The following ZNF536 variants were observed in gnomAD, a reference collection of about 807,000 sequenced individuals.
The protein encoded by ZNF536 is zinc finger protein 536.
In ZNF536, 13 loss-of-function variants were observed where a neutral mutation model predicts 84.5. The ratio of observed to expected loss-of-function variants is 0.15; its 90% CI spans 0.10 to 0.24. The LOEUF (loss-of-function observed/expected upper bound fraction) is 0.24. Ranked by LOEUF, ZNF536 falls within the 10% of genes least tolerant of loss-of-function variation. ZNF536 has a pLI of 1.00. For missense variants in ZNF536, 1,536 were observed against 1,747.5 expected (o/e 0.88, Z 2.16); for synonymous variants, 811 against 742.5 (o/e 1.09, Z -1.50).
At chr19:30,562,046 C>T (rs571321382), downstream of ZNF536, among the ~76,000 whole-genome samples, 11 of 152,132 alleles carry the variant, frequency 7.2e-5, no homozygotes, top group African/African-American at 1.9e-4. Context: ...GAAAGACTGG[C>T]GGGCTGGTCT....
At chr19:30,582,915 T>C (rs1199573659) in intron 1 of ZNF536, among the ~76,000 whole-genome samples, 1 of 152,100 alleles carries the variant, frequency 6.6e-6, no homozygotes, top group African/African-American at 2.4e-5. Flanking sequence ...CAATTCAAGA[T>C]GAGATTTGGA....
At chr19:30,541,670 A>T (rs1243682922) in intron 3 of ZNF536, among the ~76,000 whole-genome samples, 2 of 152,242 alleles carry the variant, frequency 1.3e-5, no homozygotes, top group Admixed American at 1.3e-4. Context: ...AGTGAAATTA[A>T]CTACAGTTTC....
intron 2 of ZNF536, among the ~76,000 whole-genome samples, chr19:30,332,379 C>T (rs2047239811): frequency 6.6e-6 from 1 of 152,078 alleles, no homozygotes; most frequent in African/African-American, 2.4e-5. Flanking sequence ...GAGGTGGTTC[C>T]CTGGGAGCAT....
At position 30,384,862 on chromosome 19, in the gene ZNF536, A is replaced by C. The variant is rs143109752; in HGVS notation, c.-3+12306A>C. Reference sequence around the variant, plus strand: ...GGCAACAGAGCAAGACACTATCTCCACAAAAATAAAATAATTAGCCAGGCG... The same window carrying C: ...GGCAACAGAGCAAGACACTATCTCCCCAAAAATAAAATAATTAGCCAGGCG... On this transcript the variant is annotated intron_variant, in intron 1 of 4. Transcript: ENST00000355537. Among the ~76,000 whole-genome samples the C allele has an allele frequency of 6.8e-3, 1,034 of 152,180 alleles. 24 individuals carry two copies. Among genetic ancestry groups the C allele is most frequent in the African/African-American group, 0.024 (993 of 41,516 alleles).
At chr19:30,408,803 A>G (rs903168899) in intron 1 of ZNF536, among the ~76,000 whole-genome samples, 23 of 150,160 alleles carry the variant, frequency 1.5e-4, no homozygotes, top group African/African-American at 5.2e-4. Context: ...CCTTCCATCT[A>G]TTCATCCATC....
At chr19:30,520,636 G>T (rs897138460) in intron 2 of ZNF536, among the ~76,000 whole-genome samples, 5 of 152,042 alleles carry the variant, frequency 3.3e-5, no homozygotes, top group African/African-American at 1.2e-4. Context: ...GTGGTGCTTG[G>T]CATTAGGAAA....
intron 2 of ZNF536, among the ~76,000 whole-genome samples, chr19:30,326,797 T>TTTTTTTTG (rs2047045072): frequency 8.3e-6 from 1 of 119,938 alleles, no homozygotes; most frequent in Non-Finnish European, 1.7e-5. Flanking sequence ...AAAGCTTTTT[T>TTTTTTTTG]TTTTTTTTTT....
chr19:30,225,638 T>C (rs1319378520), upstream of ZNF536, among the ~76,000 whole-genome samples: 2 of 150,954 alleles, frequency 1.3e-5, no homozygotes, highest in Non-Finnish European at 2.9e-5. Context: ...CGTGCCCGAG[T>C]TTGCTCCTGA....
At chr19:30,571,768 T>TA in intron 1 of ZNF536, among the ~76,000 whole-genome samples, 1 of 152,296 alleles carries the variant, frequency 6.6e-6, no homozygotes, top group African/African-American at 2.4e-5. Context: ...GGTGCCTTGT[T>TA]AGACAGCCTG....
At chr19:30,692,471 A>G (rs2051451883) in intron 1 of ZNF536, among the ~76,000 whole-genome samples, 1 of 152,236 alleles carries the variant, frequency 6.6e-6, no homozygotes, top group South Asian at 2.1e-4. Context: ...GAGGCAGCGA[A>G]CACACCAGGG....
intron 1 of ZNF536, among the ~76,000 whole-genome samples, chr19:30,567,585 C>T (rs1173815479): frequency 6.6e-6 from 1 of 152,186 alleles, no homozygotes; most frequent in Non-Finnish European, 1.5e-5. Flanking sequence ...GGAAACCTGA[C>T]CCCCACCTTG....
intron 2 of ZNF536, among the ~76,000 whole-genome samples, chr19:30,522,052 G>A (rs1156398607): frequency 1.3e-5 from 2 of 151,512 alleles, no homozygotes; most frequent in Non-Finnish European, 2.9e-5. Flanking sequence ...GACCGGGAGG[G>A]CCATTCGCAG....
intron 4 of ZNF536, among the ~76,000 whole-genome samples, chr19:30,551,524 C>G (rs2045782699): frequency 6.6e-6 from 1 of 152,172 alleles, no homozygotes; most frequent in African/African-American, 2.4e-5. Context: ...CCCAGTCCAC[C>G]CTTCAGCCTT....
chr19:30,685,623 A>T (rs999532421), intron 1 of ZNF536, among the ~76,000 whole-genome samples: 3 of 152,174 alleles, frequency 2.0e-5, no homozygotes, highest in African/African-American at 7.2e-5. Flanking sequence ...TGCCATAAAA[A>T]TCATGGCTTC....
chr19:30,482,016 A>G (rs2054109920), intron 2 of ZNF536, among the ~76,000 whole-genome samples: 1 of 152,244 alleles, frequency 6.6e-6, no homozygotes, highest in Non-Finnish European at 1.5e-5. Flanking sequence ...ATGACTGAGT[A>G]GTATTCCATG....
chr19:30,404,001 TCTTTC>T (rs984982804), intron 1 of ZNF536, among the ~76,000 whole-genome samples: 2 of 151,784 alleles, frequency 1.3e-5, no homozygotes, highest in Non-Finnish European at 2.9e-5. Context: ...TACATTTTTT[TCTTTC>T]CTTTCCTTTC....
intron 2 of ZNF536, among the ~76,000 whole-genome samples, chr19:30,494,095 A>T (rs2054618791): frequency 6.6e-6 from 1 of 152,236 alleles, no homozygotes; most frequent in Non-Finnish European, 1.5e-5. Context: ...CTTCCTTAAA[A>T]AAAGGTTCAG....
chr19:30,669,659 T>C (rs2050468846), intron 1 of ZNF536, among the ~76,000 whole-genome samples: 1 of 152,176 alleles, frequency 6.6e-6, no homozygotes, highest in African/African-American at 2.4e-5. Flanking sequence ...GGCTCCACTT[T>C]CCCTAAAACC....
At chr19:30,411,789 T>C (rs1260444827) in intron 1 of ZNF536, among the ~76,000 whole-genome samples, 1 of 152,144 alleles carries the variant, frequency 6.6e-6, no homozygotes, top group East Asian at 1.9e-4. Flanking sequence ...CATTTTTTAA[T>C]GATGAATTTT....
Sources: allele counts gnomAD v4.1 joint callset (sites outside exome capture counted in the v4.1 genomes callset), GRCh38; gene constraint gnomAD v4.1.1; transcripts MANE v1.5; gene names NCBI Gene and HGNC (gene_info 2026-07-23, HGNC 2026-07-21).